Variants in SPAG16 observed in about 807,000 individuals in gnomAD.
SPAG16 encodes sperm-associated antigen 16 protein.
Under a neutral mutation model 80.4 loss-of-function variants are expected in SPAG16, and 86 were observed. The observed-to-expected ratio is 1.07, with a 90% confidence interval of 0.90 to 1.28. SPAG16 has a LOEUF of 1.28. Ranked by LOEUF, SPAG16 falls within the 50% of genes most tolerant of loss-of-function variation. SPAG16 has a pLI of 0.00. For synonymous variants in SPAG16, 294 were observed against 265.9 expected, an observed-to-expected ratio of 1.11 and a Z score of -1.03; for missense variants, 870 against 765.3, an observed-to-expected ratio of 1.14 and a Z score of -1.61.
chr2:213,327,389 AG>A (rs1199278013), intron 5 of SPAG16, among the ~76,000 whole-genome samples: 1 of 152,104 alleles, frequency 6.6e-6, no homozygotes, highest in African/African-American at 2.4e-5. Context: ...GCAAACAGAA[AG>A]AAAGTCCCTG....
intron 9 of SPAG16, among the ~76,000 whole-genome samples, chr2:213,445,781 A>G (rs1215914761): frequency 6.6e-6 from 1 of 152,216 alleles, no homozygotes; most frequent in Non-Finnish European, 1.5e-5. Context: ...TGGCTTTTAT[A>G]TTATCAAAAA....
chr2:213,408,194 A>C (rs200573033), intron 9 of SPAG16, among the ~76,000 whole-genome samples: 4 of 152,220 alleles, frequency 2.6e-5, no homozygotes, highest in Non-Finnish European at 5.9e-5. Context: ...TTGATAATTG[A>C]AGGTCTTCTC....
chr2:213,890,925 G>C (rs2076762528), intron 11 of SPAG16, among the ~76,000 whole-genome samples: 1 of 151,974 alleles, frequency 6.6e-6, no homozygotes, highest in Non-Finnish European at 1.5e-5. Flanking sequence ...TGAGCATACA[G>C]CTTAGAAAGT....
intron 10 of SPAG16, among the ~76,000 whole-genome samples, chr2:213,635,040 C>CT (rs112845992): frequency 0.036 from 5,129 of 142,438 alleles, 111 homozygotes; most frequent in Middle Eastern, 0.046. Flanking sequence ...CTTTTTCTTT[C>CT]TTTTTTTTTT....
chr2:213,978,614 G>A (rs899584041), intron 12 of SPAG16, among the ~76,000 whole-genome samples: 1 of 152,034 alleles, frequency 6.6e-6, no homozygotes, highest in African/African-American at 2.4e-5. Context: ...AAATTTTGTG[G>A]TTTTGAACAG....
chr2:213,866,652 C>CA (rs745668894), intron 11 of SPAG16, among the ~76,000 whole-genome samples: 1 of 151,894 alleles, frequency 6.6e-6, no homozygotes, highest in Non-Finnish European at 1.5e-5. Context: ...CTTAATGAGT[C>CA]AAAAGCAGAA....
At chr2:213,653,380 C>G (rs969525587) in intron 10 of SPAG16, among the ~76,000 whole-genome samples, 2 of 152,164 alleles carry the variant, frequency 1.3e-5, no homozygotes, top group African/African-American at 4.8e-5. Context: ...CAGTGACTTT[C>G]ATACTATTTC....
intron 10 of SPAG16, among the ~76,000 whole-genome samples, chr2:213,783,152 G>T (rs954158698): frequency 6.7e-6 from 1 of 148,796 alleles, no homozygotes; most frequent in African/African-American, 2.5e-5. Context: ...GCTGTGTTTG[G>T]TTTTTTGTTC....
At chr2:214,330,820 G>T (rs1223670754) in intron 15 of SPAG16, among the ~76,000 whole-genome samples, 1 of 152,188 alleles carries the variant, frequency 6.6e-6, no homozygotes, top group Admixed American at 6.5e-5. Context: ...GGTGCCAAAT[G>T]AGGGATCAAG....
At chr2:214,150,617 A>G (rs530914846) in intron 15 of SPAG16, among the ~76,000 whole-genome samples, 5 of 152,034 alleles carry the variant, frequency 3.3e-5, no homozygotes, top group South Asian at 2.1e-4. Flanking sequence ...CCTTTTTATT[A>G]TCTTGAGCTA....
Position 213,919,578 on chromosome 2 carries a change from A to C in SPAG16, c.1215-10382A>C, listed in dbSNP as rs1320079020. Among the ~76,000 whole-genome samples, 6 of 152,278 alleles carry C rather than the reference A, an allele frequency of 3.9e-5. No homozygotes were observed. The East Asian group carries it at 1.2e-3, about 29-fold the overall frequency. On this transcript the variant is annotated intron_variant, in intron 11 of 15. Coordinates refer to ENST00000331683, the MANE Select transcript of SPAG16 (RefSeq NM_024532.5). Reference sequence around the variant, plus strand: ...AAAAGCCATTCAAGTGCAGCTATTCAATTTCCATGTAATTGTATGTTTTTC... The same window carrying C: ...AAAAGCCATTCAAGTGCAGCTATTCCATTTCCATGTAATTGTATGTTTTTC...
chr2:213,889,445 T>A (rs1194722288), intron 11 of SPAG16, among the ~76,000 whole-genome samples: 10 of 151,578 alleles, frequency 6.6e-5, no homozygotes, highest in African/African-American at 1.2e-4. Context: ...ATTTTTTTTT[T>A]AAATCTATGT....
chr2:214,254,722 T>C (rs1690557280), intron 15 of SPAG16, among the ~76,000 whole-genome samples: 1 of 152,074 alleles, frequency 6.6e-6, no homozygotes. Flanking sequence ...GGTGTTACTA[T>C]TTTAAACAAA....
intron 10 of SPAG16, among the ~76,000 whole-genome samples, chr2:213,637,913 C>T (rs981462948): frequency 1.1e-4 from 16 of 152,064 alleles, no homozygotes; most frequent in South Asian, 2.1e-4. Context: ...CCTGCCACCA[C>T]GCCCAGCTAA....
chr2:214,274,269 A>T (rs1692278193), intron 15 of SPAG16, among the ~76,000 whole-genome samples: 1 of 152,124 alleles, frequency 6.6e-6, no homozygotes, highest in African/African-American at 2.4e-5. Flanking sequence ...CTCTTTTCCT[A>T]ATTGAATACC....
chr2:213,755,821 A>T (rs1279352231), intron 10 of SPAG16, among the ~76,000 whole-genome samples: 7 of 152,220 alleles, frequency 4.6e-5, no homozygotes, highest in Non-Finnish European at 1.0e-4. Context: ...ACTAATAGAG[A>T]GGAATCTGTA....
chr2:213,414,838 A>G (rs992222394), intron 9 of SPAG16, among the ~76,000 whole-genome samples: 2 of 152,268 alleles, frequency 1.3e-5, no homozygotes, highest in African/African-American at 4.8e-5. Context: ...AATGGACTAT[A>G]TATGTATATA....
intron 15 of SPAG16, among the ~76,000 whole-genome samples, chr2:214,161,384 T>C (rs2056429680): frequency 6.6e-6 from 1 of 152,192 alleles, no homozygotes; most frequent in South Asian, 2.1e-4. Flanking sequence ...CCACATCATC[T>C]TCCACAATGG....
intron 15 of SPAG16, among the ~76,000 whole-genome samples, chr2:214,198,465 G>C (rs2057910619): frequency 1.3e-5 from 2 of 151,918 alleles, no homozygotes; most frequent in African/African-American, 4.8e-5. Flanking sequence ...TAGTATTCTT[G>C]GTGTAAATAT....
Sources: gnomAD v4.1 joint callset for allele counts (sites outside exome capture counted in the v4.1 genomes callset) on GRCh38, gnomAD v4.1.1 for gene constraint, MANE v1.5 for transcripts, NCBI Gene and HGNC (gene_info 2026-07-23, HGNC 2026-07-21) for gene names.